The following LDLRAD1 variants were observed in gnomAD, a reference collection of about 807,000 sequenced individuals.
The protein encoded by LDLRAD1 is low density lipoprotein receptor class A domain containing 1, also known as low-density lipoprotein receptor class A domain-containing protein 1.
In LDLRAD1, 17 loss-of-function variants were observed where a neutral mutation model predicts 24.8. The ratio of observed to expected loss-of-function variants is 0.69; its 90% CI spans 0.47 to 1.03. The LOEUF (loss-of-function observed/expected upper bound fraction) is 1.03, where lower values mean the gene tolerates loss of function less well. LDLRAD1 is among the 50% of genes least tolerant of loss of function. LDLRAD1 has a pLI of 0.00. For missense variants in LDLRAD1, 277 were observed against 271.0 expected (o/e 1.02, Z -0.16); for synonymous variants, 103 against 108.2 (o/e 0.95, Z 0.30).
Position 54,008,874 on chromosome 1 carries a change from C to CTCGGTGGACG in LDLRAD1, c.*107_*108insCGTCCACCGA. On this transcript the variant is annotated 3_prime_UTR_variant, in exon 6 of 6. Transcript: ENST00000371360. ...TCCTATTCAGAAATGATGTGTAGATCCCATTTCAAAGGCTGCTTCCTGCCC... is the reference window on the plus strand; with the variant it reads ...TCCTATTCAGAAATGATGTGTAGATCTCGGTGGACGCCATTTCAAAGGCTGCTTCCTGCCC... The CTCGGTGGACG allele has an allele frequency of 2.0e-6, 2 of 992,502 alleles. No individual in the cohort carries two copies. The highest frequency in any genetic ancestry group is 3.0e-6 in the Non-Finnish European group (2 of 665,238). The allele number at this position is 992,502 out of a possible 1,614,324, so 61.5% of individuals were successfully genotyped here. A position where few individuals can be genotyped will look rare whatever the true frequency, so the allele number is the denominator to read the frequency against.
chr1:54,009,236 A>C, intron 5 of LDLRAD1, 106 bp from the exon 6 acceptor site: 1 of 1,045,830 alleles, frequency 9.6e-7, no homozygotes, highest in Non-Finnish European at 1.4e-6. Flanking sequence ...CCATGGCCCC[A>C]ACCCATCTGA....
chr1:54,009,202 A>C, intron 5 of LDLRAD1, 72 bp from the exon 6 acceptor site: 2 of 1,480,286 alleles, frequency 1.4e-6, no homozygotes, highest in Non-Finnish European at 1.9e-6. Flanking sequence ...GGCACTCCCT[A>C]GTTCTGAAAC....
rs773588964 is a variant in LDLRAD1 at position 54,012,145 on chromosome 1, C to T, written c.338G>A (p.Cys113Tyr). The part of the protein sequence containing the change: ...THGEDEDESL[C>Y]RDVPQSLPHF... ...GGCAGCACCGAGCGGGTACTCACGG[C>T]ACAAGCTCTCATCCTCGTCCTCGCC... The change falls in exon 4 of 6, where the codon TGC (cysteine) becomes TAC (tyrosine). Residue 113 changes from cysteine to tyrosine, a missense_variant and splice_region_variant. By Grantham distance (194) the Cys-to-Tyr change is radical. Coordinates refer to ENST00000371360, the MANE Select transcript of LDLRAD1 (RefSeq NM_001010978.4). The T allele has an allele frequency of 3.1e-6, 5 of 1,613,810 alleles. No individual in the cohort carries two copies. The highest frequency in any genetic ancestry group is 4.2e-6 in the Non-Finnish European group (5 of 1,179,962).
Position 54,008,901 on chromosome 1 carries a change from T to G in LDLRAD1, c.*81A>C. ...CATTTCAAAGGCTGCTTCCTGCCCT[T>G]GTGCGCTAGGATTTGATTTTCATGT... On this transcript the variant is annotated 3_prime_UTR_variant, in exon 6 of 6. Coordinates refer to ENST00000371360, the MANE Select transcript of LDLRAD1 (RefSeq NM_001010978.4). The G allele has an allele frequency of 6.8e-6, 9 of 1,322,948 alleles. No homozygotes were observed. The highest frequency in any genetic ancestry group is 9.4e-6 in the Non-Finnish European group (9 of 957,148). 82.0% of individuals were successfully genotyped at this position (1,322,948 alleles called of 1,614,324 possible). A position where few individuals can be genotyped will look rare whatever the true frequency, so the allele number is the denominator to read the frequency against.
rs370365819 is a variant in LDLRAD1 at position 54,014,285 on chromosome 1, C to T, written c.153G>A (p.Ala51=). The change falls in exon 3 of 6, where the codon GCG becomes GCA. Residue 51 remains alanine, a synonymous_variant. Transcript: ENST00000371360. ...ASLLLLLATV[A]ALIALVTILG... is the part of the protein sequence containing the mutation. ...GAATGGTGACCAAGGCGATGAGGGCCGCCACAGTTGCCAGGAGGAGCAGCA... is the reference window on the plus strand; with the variant it reads ...GAATGGTGACCAAGGCGATGAGGGCTGCCACAGTTGCCAGGAGGAGCAGCA... 3.0e-5 allele frequency: 47 copies of T among 1,551,476 alleles called. No homozygotes were observed. In the East Asian group the frequency reaches 3.2e-4, roughly 10 times the overall value.
At chr1:54,017,497 A>G (rs952798022) in intron 1 of LDLRAD1, 70 bp from the exon 2 acceptor site, 4 of 1,360,706 alleles carry the variant, frequency 2.9e-6, no homozygotes, top group Non-Finnish European at 4.1e-6. Flanking sequence ...GGCAGACAAC[A>G]GGGTTTTCAG....
intron 2 of LDLRAD1, among the ~76,000 whole-genome samples, chr1:54,016,934 CCTT>C (rs1205291607): frequency 7.2e-5 from 11 of 152,202 alleles, no homozygotes; most frequent in African/African-American, 2.7e-4. Flanking sequence ...TGTGTTTCTT[CCTT>C]CTTCTATTTT....
rs754545690 is a variant in LDLRAD1 at position 54,014,370 on chromosome 1, TG to T, written c.74-7del. On this transcript the variant is annotated splice_region_variant and splice_polypyrimidine_tract_variant and intron_variant, in intron 2 of 5. Transcript: ENST00000371360. ...GCAGAGGTGGCCGCCGCCTGCTGTG[TG>T]GGGGGGAAACAAGCCCGGGGGTGGT... 13 of 1,376,854 alleles carry T rather than the reference TG, an allele frequency of 9.4e-6. No individual in the cohort carries two copies. The highest frequency in any genetic ancestry group is 7.5e-5 in the South Asian group (6 of 79,818). The allele number at this position is 1,376,854 out of a possible 1,614,324, so 85.3% of individuals were successfully genotyped here.
In LDLRAD1 at chr1:54,008,887, C is replaced by T. The variant is rs1655923020; in HGVS notation, c.*95G>A. ...TGATGTGTAGATCCCATTTCAAAGG[C>T]TGCTTCCTGCCCTTGTGCGCTAGGA... On this transcript the variant is annotated 3_prime_UTR_variant, in exon 6 of 6. Transcript: ENST00000371360. 5.0e-6 allele frequency: 5 copies of T among 1,002,546 alleles called. No individual in the cohort carries two copies. The highest frequency in any genetic ancestry group is 5.4e-6 in the Non-Finnish European group (4 of 741,726). 62.1% of individuals were successfully genotyped at this position (1,002,546 alleles called of 1,614,324 possible).
At chr1:54,014,852 G>A (rs1656232544) in intron 2 of LDLRAD1, among the ~76,000 whole-genome samples, 1 of 152,164 alleles carries the variant, frequency 6.6e-6, no homozygotes, top group African/African-American at 2.4e-5. Flanking sequence ...GCCAAAACCC[G>A]TGCCCTTTCC....
intron 3 of LDLRAD1, among the ~76,000 whole-genome samples, chr1:54,013,368 C>T (rs559950205): frequency 4.6e-5 from 7 of 151,984 alleles, no homozygotes; most frequent in African/African-American, 1.2e-4. Context: ...TCTCAGCCCC[C>T]GCCCCCACCT....
At chr1:54,012,004 G>T in intron 4 of LDLRAD1, 139 bp downstream of exon 4, 2 of 968,378 alleles carry the variant, frequency 2.1e-6, no homozygotes, top group Non-Finnish European at 3.1e-6. Flanking sequence ...GACCAGGTCG[G>T]GGCAGGTGTT....
At chr1:54,016,040 T>C (rs1261370683) in intron 2 of LDLRAD1, among the ~76,000 whole-genome samples, 2 of 152,118 alleles carry the variant, frequency 1.3e-5, no homozygotes, top group Non-Finnish European at 2.9e-5. Context: ...GTCCAGGTTA[T>C]TTCCAATCCA....
At chr1:54,011,227 C>T (rs1011290637) in intron 4 of LDLRAD1, among the ~76,000 whole-genome samples, 7 of 152,148 alleles carry the variant, frequency 4.6e-5, no homozygotes, top group Admixed American at 4.6e-4. Flanking sequence ...CATGCAGCAC[C>T]ACCATCATGG....
chr1:54,015,790 G>C (rs1656281121), intron 2 of LDLRAD1, among the ~76,000 whole-genome samples: 1 of 152,082 alleles, frequency 6.6e-6, no homozygotes, highest in Non-Finnish European at 1.5e-5. Flanking sequence ...CGAGTAGCTG[G>C]GATGACAGGC....
At position 54,009,010 on chromosome 1, in the gene LDLRAD1, G is replaced by C. The variant is rs1420418564; in HGVS notation, c.590C>G (p.Ser197Cys). 9 of 1,613,812 alleles carry C rather than the reference G, an allele frequency of 5.6e-6. No individual in the cohort carries two copies. Among genetic ancestry groups the C allele is most frequent in the Non-Finnish European group, 7.6e-6 (9 of 1,179,948 alleles). The change falls in exon 6 of 6, where the codon TCC (serine) becomes TGC (cysteine). Residue 197 changes from serine (S) to cysteine (C), a missense_variant. Ser to Cys is a moderately radical substitution (Grantham distance 112, BLOSUM62 -1). Coordinates refer to ENST00000371360, the MANE Select transcript of LDLRAD1 (RefSeq NM_001010978.4). ...RDHVQHCSDWSDEYACPGP is the reference protein window; with the variant it reads ...RDHVQHCSDWCDEYACPGP ...GGGTCCGGGACAGGCATACTCATCG[G>C]ACCAGTCGGAGCAGTGCTGTACATG...
At chr1:54,011,796 G>A (rs769059567) in intron 4 of LDLRAD1, among the ~76,000 whole-genome samples, 2 of 152,236 alleles carry the variant, frequency 1.3e-5, no homozygotes, top group Non-Finnish European at 2.9e-5. Context: ...GTGTGACAAG[G>A]GCTGGGACAC....
At chr1:54,010,225 G>T (rs1655987402) in intron 5 of LDLRAD1, 57 bp downstream of exon 5, 5 of 1,601,148 alleles carry the variant, frequency 3.1e-6, no homozygotes, top group Non-Finnish European at 4.3e-6. Context: ...CTCACCCTTT[G>T]CCCTCTGGCT....
intron 2 of LDLRAD1, among the ~76,000 whole-genome samples, chr1:54,015,246 A>G (rs1411816226): frequency 3.9e-5 from 6 of 152,168 alleles, no homozygotes; most frequent in Non-Finnish European, 8.8e-5. Context: ...CTGGGACAAC[A>G]GGCGTGCACC....
Sources: gnomAD v4.1 joint callset for allele counts (sites outside exome capture counted in the v4.1 genomes callset) on GRCh38, gnomAD v4.1.1 for gene constraint, MANE v1.5 for transcripts, NCBI Gene and HGNC (gene_info 2026-07-23, HGNC 2026-07-21) for gene names.